C1GALT1: variants seen among roughly 807,000 people sequenced by gnomAD.
C1GALT1 encodes glycoprotein-N-acetylgalactosamine 3-beta-galactosyltransferase 1.
C1GALT1 carries 11 observed loss-of-function variants against 31.0 expected under a neutral mutation model. The ratio of observed to expected loss-of-function variants is 0.36; its 90% confidence interval spans 0.22 to 0.59. The LOEUF (loss-of-function observed/expected upper bound fraction) is 0.59. Among genes scored for constraint, C1GALT1 ranks in the 20% least tolerant of loss-of-function variants. C1GALT1 has a pLI of 0.79. For synonymous variants in C1GALT1, 175 were observed against 143.6 expected (o/e 1.22, Z -1.56); for missense variants, 424 against 425.2 (o/e 1.00, Z 0.03).
chr7:7,202,644 A>G (rs1781571554), intron 1 of C1GALT1, among the ~76,000 whole-genome samples: 1 of 152,172 alleles, frequency 6.6e-6, no homozygotes, highest in Non-Finnish European at 1.5e-5. Context: ...TAAGTCTTGA[A>G]ATCAGTAAGT....
intron 1 of C1GALT1, among the ~76,000 whole-genome samples, chr7:7,231,630 T>C (rs1783078312): frequency 6.6e-6 from 1 of 152,218 alleles, no homozygotes; most frequent in African/African-American, 2.4e-5. Flanking sequence ...TTCTTGACTT[T>C]ATTAAGAATA....
intron 1 of C1GALT1, 46 bp from the exon 2 acceptor site, chr7:7,234,257 A>T (rs1783231150): frequency 1.4e-6 from 2 of 1,421,336 alleles, no homozygotes; most frequent in African/African-American, 1.4e-5. Context: ...CCGGTTATGT[A>T]TACAGCTTTG....
At chr7:7,229,505 G>A (rs988178811) in intron 1 of C1GALT1, among the ~76,000 whole-genome samples, 1 of 152,100 alleles carries the variant, frequency 6.6e-6, no homozygotes, top group African/African-American at 2.4e-5. Context: ...ATTGTAGATT[G>A]TCTTGATCAT....
chr7:7,232,646 C>T (rs540442972), intron 1 of C1GALT1, among the ~76,000 whole-genome samples: 21 of 152,220 alleles, frequency 1.4e-4, no homozygotes, highest in South Asian at 4.1e-4. Flanking sequence ...CGTACCACAA[C>T]GCCTGGCTAA....
In C1GALT1 at chr7:7,246,330, A is replaced by C. The variant is rs1288739512; in HGVS notation, c.*2603A>C. On this transcript the variant is annotated 3_prime_UTR_variant, in exon 4 of 4. Coordinates refer to ENST00000436587, the MANE Select transcript of C1GALT1 (RefSeq NM_020156.5). ...AACCGTATCAGGCTTGGGGCTATTCATGTAGCATTATTTCCATTTTTATGT... is the reference window on the plus strand; with the variant it reads ...AACCGTATCAGGCTTGGGGCTATTCCTGTAGCATTATTTCCATTTTTATGT... 1 of 152,148 alleles carries C rather than the reference A, an allele frequency of 6.6e-6. No individual in the cohort carries two copies. The highest frequency in any genetic ancestry group is 2.1e-4 in the South Asian group (1 of 4,834). 9.4% of individuals were successfully genotyped at this position (152,148 alleles called of 1,614,324 possible).
chr7:7,218,561 G>GCC (rs912026527), intron 1 of C1GALT1, among the ~76,000 whole-genome samples: 2 of 152,108 alleles, frequency 1.3e-5, no homozygotes. Context: ...GAGCTGCTTT[G>GCC]CCCCCTCATT....
At chr7:7,236,048 T>TAC (rs992976210) in intron 2 of C1GALT1, among the ~76,000 whole-genome samples, 32 of 152,350 alleles carry the variant, frequency 2.1e-4, no homozygotes, top group African/African-American at 7.7e-4. Flanking sequence ...CTCTTTGTTC[T>TAC]ACCTAGGTCC....
intron 2 of C1GALT1, chr7:7,235,407 T>C (rs1783289875): frequency 1.3e-5 from 2 of 152,186 alleles, no homozygotes; most frequent in South Asian, 4.1e-4. Context: ...TTTTATCAAC[T>C]AGCAAACATA....
intron 1 of C1GALT1, among the ~76,000 whole-genome samples, chr7:7,201,940 C>G (rs1355049160): frequency 6.6e-6 from 1 of 152,212 alleles, no homozygotes; most frequent in Non-Finnish European, 1.5e-5. Context: ...TTCCCCAATT[C>G]CACTGGCAGC....
intron 1 of C1GALT1, among the ~76,000 whole-genome samples, chr7:7,207,532 CTTGGTCCACATT>C (rs1781804035): frequency 1.3e-5 from 2 of 151,564 alleles, no homozygotes; most frequent in South Asian, 4.1e-4. Context: ...ATTTTCTTAA[CTTGGTCCACATT>C]TTCCTTTAGT....
chr7:7,227,660 C>A (rs1782834200), intron 1 of C1GALT1, among the ~76,000 whole-genome samples: 1 of 148,544 alleles, frequency 6.7e-6, no homozygotes, highest in Non-Finnish European at 1.5e-5. Context: ...GCGGAGCTTG[C>A]AGTGAGCCGA....
At chr7:7,216,595 G>T (rs535029310) in intron 1 of C1GALT1, among the ~76,000 whole-genome samples, 116 of 149,078 alleles carry the variant, frequency 7.8e-4, no homozygotes, top group African/African-American at 2.8e-3. Flanking sequence ...TACGGCCCAT[G>T]CTATAAAGCA....
chr7:7,238,746 A>G lies in C1GALT1; in HGVS notation c.712A>G (p.Ile238Val), dbSNP rs758229131. 2 of 1,613,910 alleles carry G rather than the reference A, an allele frequency of 1.2e-6. No homozygotes were observed. The highest frequency in any genetic ancestry group is 3.3e-5 in the Admixed American group (2 of 60,018). Residue 238 changes from isoleucine (I) to valine (V), a missense_variant, in exon 3 of 4, where the codon ATT becomes GTT. Transcript: ENST00000436587. The surrounding 1 kb of genome is among the most constrained non-coding windows in gnomAD (Gnocchi z 5.2). ...KTDKCTHSSS[I>V]EDLALGRCME... ...AGACAAGTGTACACATAGTTCCTCC[A>G]TTGAAGACTTAGCACTGGGGAGATG...
intron 1 of C1GALT1, among the ~76,000 whole-genome samples, chr7:7,184,288 G>A (rs990103623): frequency 3.3e-5 from 5 of 152,190 alleles, no homozygotes; most frequent in Non-Finnish European, 5.9e-5. Context: ...TTCATAAAGA[G>A]AATAATTTTT....
At chr7:7,230,812 T>C (rs986191336) in intron 1 of C1GALT1, among the ~76,000 whole-genome samples, 1 of 152,030 alleles carries the variant, frequency 6.6e-6, no homozygotes, top group Non-Finnish European at 1.5e-5. Context: ...GAAATGACTT[T>C]AGAGCTCTTA....
intron 1 of C1GALT1, among the ~76,000 whole-genome samples, chr7:7,188,392 G>A (rs1050386807): frequency 6.6e-6 from 1 of 152,200 alleles, no homozygotes. Flanking sequence ...AGGCATTTGT[G>A]TATGTGAATC....
rs1414480866 is a variant in C1GALT1, at chr7:7,245,992, C to A, written c.*2265C>A. ...AGGTTTTTAGAACATTGATAGGGAGCAATAAATAGAAGATTGTATTATTAT... is the reference window on the plus strand; with the variant it reads ...AGGTTTTTAGAACATTGATAGGGAGAAATAAATAGAAGATTGTATTATTAT... On this transcript the variant is annotated 3_prime_UTR_variant, in exon 4 of 4. Transcript: ENST00000436587. 1 of 152,070 alleles carries A rather than the reference C, an allele frequency of 6.6e-6. No individual in the cohort carries two copies. Among genetic ancestry groups the A allele is most frequent in the Non-Finnish European group, 1.5e-5 (1 of 68,018 alleles). 9.4% of individuals were successfully genotyped at this position (152,070 alleles called of 1,614,324 possible).
At chr7:7,207,053 C>T (rs183325437) in intron 1 of C1GALT1, among the ~76,000 whole-genome samples, 261 of 152,092 alleles carry the variant, frequency 1.7e-3, no homozygotes, top group African/African-American at 6.0e-3. Flanking sequence ...TTTCTCTCTC[C>T]ATTACTTGGG....
chr7:7,183,628 T>G (rs1325624917), intron 1 of C1GALT1: 1 of 981,804 alleles, frequency 1.0e-6, no homozygotes, highest in East Asian at 1.1e-4. Context: ...TGACCATAAT[T>G]TAGCGCTGTG....
Sources: gnomAD v4.1 joint callset for allele counts (sites outside exome capture counted in the v4.1 genomes callset) on GRCh38, gnomAD v4.1.1 for gene constraint, Gnocchi (gnomAD v3.1) non-coding constraint, MANE v1.5 for transcripts, NCBI Gene and HGNC (gene_info 2026-07-23, HGNC 2026-07-21) for gene names.